Variants in GRID2IP observed in about 807,000 individuals in gnomAD.
GRID2IP encodes the protein delphilin.
A neutral mutation model predicts 114.3 loss-of-function variants in GRID2IP; 78 were observed. That is an observed-to-expected ratio of 0.68 (90% CI 0.57 to 0.82). GRID2IP has a LOEUF of 0.82. GRID2IP is among the 40% of genes least tolerant of loss of function. The pLI is 0.00. For synonymous variants in GRID2IP, 809 were observed against 724.0 expected (o/e 1.12, Z -1.89); for missense variants, 1,727 against 1,678.5 (o/e 1.03, Z -0.51).
At position 6,526,261 on chromosome 7, in the gene GRID2IP, G is replaced by T. The variant is rs1441142458; in HGVS notation, c.882C>A (p.Arg294=). 6.4e-7 allele frequency: 1 copy of T among 1,551,786 alleles called. No homozygotes were observed. The highest frequency in any genetic ancestry group is 8.7e-7 in the Non-Finnish European group (1 of 1,147,032). ...ACTCGATCCAGACAGGCCCGTGGCC[G>T]CGAAGTGTGAAGCCGAAGCTCTTGT... ...KGNKSFGFTL[R]GHGPVWIESV... The change falls in exon 4 of 22, where the codon CGC becomes CGA. Residue 294 remains arginine, a synonymous_variant. Transcript: ENST00000457091. The surrounding 1 kb of genome is among the most constrained non-coding windows in gnomAD (Gnocchi z 7.6).
Position 6,510,388 on chromosome 7 carries a change from A to G in GRID2IP, c.1666T>C (p.Tyr556His). 2.0e-6 allele frequency: 3 copies of G among 1,534,110 alleles called. No homozygotes were observed. The highest frequency in any genetic ancestry group is 1.4e-5 in the African/African-American group (1 of 72,388). ...TTCAGTCGAGACTCAAGCTCTGCAT[A>G]GACGGCTGACATCTGGAGGGAGACG... ...TPNPKMMSAV[Y>H]AELESRLNSS... is the part of the protein sequence containing the mutation. The change falls in exon 11 of 22, where the codon TAT (tyrosine) becomes CAT (histidine). Residue 556 changes from tyrosine (Y) to histidine (H), a missense_variant. By Grantham distance (83) the Tyr-to-His change is moderately conservative (BLOSUM62 2). Transcript: ENST00000457091.
In GRID2IP at chr7:6,532,977, G is replaced by A. The variant is rs915163979; in HGVS notation, c.585-6208C>T. On this transcript the variant is annotated intron_variant, in intron 2 of 21. Transcript: ENST00000457091. This position sits in a 1 kb window ranked among gnomAD's most constrained non-coding sequence, Gnocchi z 4.4. ...GATCACCAGGGGACAGGCAACAGCC[G>A]GACTTCCCTGAAGTGTCTGCTCCAG... is the stretch of plus-strand genomic sequence containing the variant. Among the ~76,000 whole-genome samples the A allele has an allele frequency of 2.0e-5, 3 of 152,214 alleles. No individual in the cohort carries two copies. Among genetic ancestry groups the A allele is most frequent in the South Asian group, 2.1e-4 (1 of 4,830 alleles).
chr7:6,520,591 A>C lies in GRID2IP; in HGVS notation c.1255T>G (p.Phe419Val). Residue 419 changes from phenylalanine (F) to valine (V), a missense_variant, in exon 7 of 22, where the codon TTC becomes GTC. Physicochemically the swap from Phe to Val is conservative, Grantham distance 50. Transcript: ENST00000457091. This position sits in a 1 kb window ranked among gnomAD's most constrained non-coding sequence, Gnocchi z 4.6. ...RYGVCRALES[F>V]FQHRNIDTLI... ...TGGCCCGGCCACCTGTGCTGGAAGA[A>C]GCTCTCGAGGGCCCGGCAGACCCCA... is the stretch of plus-strand genomic sequence containing the variant. 1 of 1,551,038 alleles carries C rather than the reference A, an allele frequency of 6.4e-7. No homozygotes were observed. The highest frequency in any genetic ancestry group is 8.7e-7 in the Non-Finnish European group (1 of 1,146,548).
intron 7 of GRID2IP, among the ~76,000 whole-genome samples, chr7:6,515,495 A>G (rs560384395): frequency 3.3e-5 from 5 of 151,420 alleles, no homozygotes; most frequent in Admixed American, 1.3e-4. Flanking sequence ...CATATAGAGC[A>G]GGCCAGGCAT....
At chr7:6,525,363 T>C (rs1779489323) in intron 4 of GRID2IP, among the ~76,000 whole-genome samples, 5 of 152,094 alleles carry the variant, frequency 3.3e-5, no homozygotes, top group Admixed American at 3.3e-4. Flanking sequence ...GGCTCACGCC[T>C]GTACTCCCAG....
chr7:6,547,139 T>C (rs1779900102), intron 1 of GRID2IP, among the ~76,000 whole-genome samples: 2 of 152,170 alleles, frequency 1.3e-5, no homozygotes, highest in African/African-American at 4.8e-5. Context: ...TGGAGGAGTC[T>C]GAAATGCTGA....
chr7:6,512,231 CT>C lies in GRID2IP; in HGVS notation c.1424-1193del, dbSNP rs1002835555. Reference sequence around the variant, plus strand: ...CACACCTGCCTTTTTTTCTTTTCTTCTTTTTTTTTTTTTTTTTTGTGACAGG... The same window carrying C: ...CACACCTGCCTTTTTTTCTTTTCTTCTTTTTTTTTTTTTTTTTGTGACAGG... On this transcript the variant is annotated intron_variant, in intron 8 of 21. Transcript: ENST00000457091. Among the ~76,000 whole-genome samples the C allele has an allele frequency of 2.8e-3, 257 of 90,200 alleles. 5 individuals carry two copies. The highest frequency in any genetic ancestry group is 8.1e-3 in the African/African-American group (175 of 21,714). 59.2% of individuals were successfully genotyped at this position (90,200 alleles called of 152,430 possible). A position where few individuals can be genotyped will look rare whatever the true frequency, so the allele number is the denominator to read the frequency against.
intron 2 of GRID2IP, among the ~76,000 whole-genome samples, chr7:6,530,782 A>C (rs533022253): frequency 3.3e-5 from 5 of 152,292 alleles, no homozygotes; most frequent in Admixed American, 3.3e-4. Flanking sequence ...CAATTGTAGG[A>C]AGGAAAGTGG....
At position 6,498,347 on chromosome 7, in the gene GRID2IP, GCCAGGCCCTGTGTCCAACAGGGAA is replaced by G. The variant is rs1378678969; in HGVS notation, c.3400-143_3400-120del. 1.1e-5 allele frequency: 10 copies of G among 905,674 alleles called. No individual in the cohort carries two copies. In the Admixed American group the frequency reaches 1.2e-4, roughly 11 times the overall value. 56.1% of individuals were successfully genotyped at this position (905,674 alleles called of 1,614,324 possible). A position where few individuals can be genotyped will look rare whatever the true frequency, so the allele number is the denominator to read the frequency against. ...CCGGTTGGCCTGAGTCCTTCCAAGG[GCCAGGCCCTGTGTCCAACAGGGAA>G]CCAGGCCCTGTTCAGGGACTCTAGT... On this transcript the variant is annotated intron_variant, in intron 20 of 21. Transcript: ENST00000457091.
Position 6,526,512 on chromosome 7 carries a change from C to T in GRID2IP, c.833+9G>A. ...GCGCCCGCTGCCAGTGCCTGTGAGC[C>T]CCGCGTACCTGCGCGCGCCCCCGGG... On this transcript the variant is annotated intron_variant, in intron 3 of 21. Coordinates refer to ENST00000457091, the MANE Select transcript of GRID2IP (RefSeq NM_001145118.2). This position sits in a 1 kb window ranked among gnomAD's most constrained non-coding sequence, Gnocchi z 7.6. 2 of 1,270,274 alleles carry T rather than the reference C, an allele frequency of 1.6e-6. No homozygotes were observed. Among genetic ancestry groups the T allele is most frequent in the Non-Finnish European group, 2.0e-6 (2 of 1,009,782 alleles). The allele number at this position is 1,270,274 out of a possible 1,614,324, so 78.7% of individuals were successfully genotyped here.
chr7:6,526,872 C>T lies in GRID2IP; in HGVS notation c.585-103G>A. On this transcript the variant is annotated intron_variant, in intron 2 of 21. Transcript: ENST00000457091. The surrounding 1 kb of genome is among the most constrained non-coding windows in gnomAD (Gnocchi z 7.6). ...TCGCGGGCGCCGCCCTAGGCTCTCC[C>T]ACCTCTTCCTAGGAGTGGCGGAGGG... 1 of 1,270,708 alleles carries T rather than the reference C, an allele frequency of 7.9e-7. No individual in the cohort carries two copies. Among genetic ancestry groups the T allele is most frequent in the Non-Finnish European group, 1.0e-6 (1 of 982,262 alleles). The allele number at this position is 1,270,708 out of a possible 1,614,324, so 78.7% of individuals were successfully genotyped here.
chr7:6,505,973 C>T, intron 13 of GRID2IP, 66 bp from the exon 14 acceptor site: 1 of 1,160,984 alleles, frequency 8.6e-7, no homozygotes, highest in African/African-American at 1.5e-5. Context: ...CTCCCACTTC[C>T]CACCCTCTGA....
chr7:6,514,950 T>TC (rs1779264971), intron 7 of GRID2IP, among the ~76,000 whole-genome samples: 1 of 99,526 alleles, frequency 1.0e-5, no homozygotes, highest in African/African-American at 4.5e-5. Context: ...AGACTCCAAC[T>TC]CAAAAAAAAA....
intron 1 of GRID2IP, among the ~76,000 whole-genome samples, chr7:6,550,026 C>T (rs1779950104): frequency 1.4e-5 from 2 of 139,118 alleles, no homozygotes; most frequent in African/African-American, 4.9e-5. Flanking sequence ...GGTCTCACTC[C>T]GTTACCCAGG....
intron 20 of GRID2IP, among the ~76,000 whole-genome samples, chr7:6,500,687 T>C (rs1183717682): frequency 6.6e-6 from 1 of 152,226 alleles, no homozygotes; most frequent in Non-Finnish European, 1.5e-5. Context: ...CCTACTGCCC[T>C]GGCCACAGGC....
rs1032058115 is a variant in GRID2IP at position 6,520,236 on chromosome 7, G to A, written c.1268+342C>T. Reference sequence around the variant, plus strand: ...GAACCCAGGAGGCGGAGGCTGCAGTGAGCCAAGATCTCATCATTGCACTCC... The same window carrying A: ...GAACCCAGGAGGCGGAGGCTGCAGTAAGCCAAGATCTCATCATTGCACTCC... On this transcript the variant is annotated intron_variant, in intron 7 of 21. Coordinates refer to ENST00000457091, the MANE Select transcript of GRID2IP (RefSeq NM_001145118.2). The surrounding 1 kb of genome is among the most constrained non-coding windows in gnomAD (Gnocchi z 4.6). 6.6e-6 allele frequency among the ~76,000 whole-genome samples: 1 copy of A among 151,928 alleles called. No individual in the cohort carries two copies. Among genetic ancestry groups the A allele is most frequent in the African/African-American group, 2.4e-5 (1 of 41,322 alleles).
At chr7:6,524,322 C>A (rs528533167) in intron 4 of GRID2IP, among the ~76,000 whole-genome samples, 1 of 152,314 alleles carries the variant, frequency 6.6e-6, no homozygotes, top group African/African-American at 2.4e-5. Flanking sequence ...GCATGGCCAC[C>A]AATGGAGATG....
At position 6,523,322 on chromosome 7, in the gene GRID2IP, G is replaced by A. The variant is rs1016530574; in HGVS notation, c.920-1365C>T. Among the ~76,000 whole-genome samples the A allele has an allele frequency of 1.3e-5, 2 of 152,156 alleles. No homozygotes were observed. Among genetic ancestry groups the A allele is most frequent in the African/African-American group, 2.4e-5 (1 of 41,444 alleles). ...GACCAAAAAGGAGAGAGTGATGGTG[G>A]TGGCGAATCCAATCTGGCCTGCCTG... On this transcript the variant is annotated intron_variant, in intron 4 of 21. Transcript: ENST00000457091. The surrounding 1 kb of genome is among the most constrained non-coding windows in gnomAD (Gnocchi z 4.5).
chr7:6,525,827 G>A (rs994773960), intron 4 of GRID2IP, among the ~76,000 whole-genome samples: 25 of 152,098 alleles, frequency 1.6e-4, no homozygotes, highest in African/African-American at 6.0e-4. Context: ...CATGAAGCTC[G>A]TGTTGCTGGG....
Sources: gnomAD v4.1 joint callset for allele counts (sites outside exome capture counted in the v4.1 genomes callset) on GRCh38, gnomAD v4.1.1 for gene constraint, Gnocchi (gnomAD v3.1) non-coding constraint, MANE v1.5 for transcripts, NCBI Gene and HGNC (gene_info 2026-07-23, HGNC 2026-07-21) for gene names.